Variants in RREB1 observed in about 807,000 individuals in gnomAD.
RREB1 encodes the protein ras-responsive element-binding protein 1.
Under a neutral mutation model 117.8 loss-of-function variants are expected in RREB1, and 27 were observed. That is an observed-to-expected ratio of 0.23 (90% CI 0.17 to 0.32). RREB1 has a LOEUF of 0.32. Among genes scored for constraint, RREB1 ranks in the 10% least tolerant of loss-of-function variants. The pLI is 1.00. For missense variants in RREB1, 2,577 were observed against 2,378.2 expected, an observed-to-expected ratio of 1.08 and a Z score of -1.74; for synonymous variants, 1,298 against 1,026.7, an observed-to-expected ratio of 1.26 and a Z score of -5.05.
intron 1 of RREB1, among the ~76,000 whole-genome samples, chr6:7,132,432 G>A (rs1054030797): frequency 8.6e-5 from 13 of 152,038 alleles, no homozygotes; most frequent in African/African-American, 3.1e-4. Flanking sequence ...TTCTAAAGTG[G>A]TGGGATTAGA....
At chr6:7,113,332 G>T (rs1761240967) in intron 1 of RREB1, among the ~76,000 whole-genome samples, 1 of 152,110 alleles carries the variant, frequency 6.6e-6, no homozygotes, top group Admixed American at 6.6e-5. Context: ...TAGTTTGCTT[G>T]GTATTTCATC....
At chr6:7,165,510 T>C (rs1763888983) in intron 1 of RREB1, among the ~76,000 whole-genome samples, 1 of 152,196 alleles carries the variant, frequency 6.6e-6, no homozygotes, top group Non-Finnish European at 1.5e-5. Context: ...CCAAAACAAT[T>C]TCATGTCATG....
intron 11 of RREB1, among the ~76,000 whole-genome samples, chr6:7,244,408 A>G (rs576217716): frequency 6.6e-6 from 1 of 152,324 alleles, no homozygotes; most frequent in South Asian, 2.1e-4. Flanking sequence ...CCCTGACTCT[A>G]GGGAGGGAAA....
In RREB1 at chr6:7,231,720, G is replaced by C. The variant is rs145908910; in HGVS notation, c.3621G>C (p.Glu1207Asp). Residue 1207 changes from glutamate to aspartate, a missense_variant, in exon 10 of 13, where the codon GAG (glutamate) becomes GAC (aspartate). Glu to Asp is a conservative substitution (Grantham distance 45, BLOSUM62 2). Coordinates refer to ENST00000379938, the MANE Select transcript of RREB1 (RefSeq NM_001003699.4). ...LQTAEDNTQD[E>D]VAGAPADHHG... ...CAGCGGAGGACAACACTCAGGATGAGGTGGCCGGAGCCCCTGCCGACCACC... is the reference window on the plus strand; with the variant it reads ...CAGCGGAGGACAACACTCAGGATGACGTGGCCGGAGCCCCTGCCGACCACC... The C allele has an allele frequency of 1.7e-5, 27 of 1,613,552 alleles. No homozygotes were observed. The highest frequency in any genetic ancestry group is 2.3e-5 in the Non-Finnish European group (27 of 1,179,970).
intron 6 of RREB1, among the ~76,000 whole-genome samples, chr6:7,203,571 G>C (rs1374471822): frequency 6.6e-6 from 1 of 152,192 alleles, no homozygotes; most frequent in East Asian, 1.9e-4. Flanking sequence ...GGTTTGGAGA[G>C]AAGCTCTGGG....
intron 1 of RREB1, among the ~76,000 whole-genome samples, chr6:7,153,687 T>C (rs1442098804): frequency 2.0e-5 from 3 of 152,220 alleles, no homozygotes; most frequent in Admixed American, 6.5e-5. Context: ...TAGGTTGGGC[T>C]TAAGACTGAT....
chr6:7,222,915 C>G (rs1767345623), intron 8 of RREB1, among the ~76,000 whole-genome samples: 1 of 152,132 alleles, frequency 6.6e-6, no homozygotes, highest in South Asian at 2.1e-4. Flanking sequence ...GCCAGTCACA[C>G]TAAATATTCA....
chr6:7,185,627 G>A (rs1021460561), intron 4 of RREB1, among the ~76,000 whole-genome samples: 31 of 152,280 alleles, frequency 2.0e-4, no homozygotes, highest in African/African-American at 7.2e-4. Context: ...CTTTGAAGAG[G>A]AGTGAGAGGG....
chr6:7,211,947 C>T, intron 8 of RREB1: 1 of 523,602 alleles, frequency 1.9e-6, no homozygotes, highest in South Asian at 2.4e-5. Flanking sequence ...TCAGCAAAGC[C>T]CCTTGAGTAG....
intron 1 of RREB1, among the ~76,000 whole-genome samples, chr6:7,161,351 T>A (rs924045249): frequency 6.6e-6 from 1 of 152,142 alleles, no homozygotes; most frequent in Admixed American, 6.5e-5. Flanking sequence ...AGCCTGCAGG[T>A]AAAACCATCC....
chr6:7,170,400 A>C (rs1197927837), intron 1 of RREB1, among the ~76,000 whole-genome samples: 1 of 152,310 alleles, frequency 6.6e-6, no homozygotes, highest in South Asian at 2.1e-4. Context: ...CTCACTGCCC[A>C]GGAGCAGCAG....
At chr6:7,242,620 G>A (rs1581593062) in intron 11 of RREB1, among the ~76,000 whole-genome samples, 1 of 146,054 alleles carries the variant, frequency 6.8e-6, no homozygotes, top group East Asian at 2.0e-4. Context: ...GATGGACATG[G>A]GGTGAAGCCT....
intron 11 of RREB1, among the ~76,000 whole-genome samples, chr6:7,242,428 T>A (rs945856281): frequency 6.6e-6 from 1 of 152,024 alleles, no homozygotes; most frequent in Admixed American, 6.6e-5. Flanking sequence ...GGACAAAGCC[T>A]CTAGAAAAAG....
chr6:7,227,466 G>A (rs1032327771), intron 9 of RREB1, among the ~76,000 whole-genome samples: 18 of 151,388 alleles, frequency 1.2e-4, no homozygotes, highest in African/African-American at 3.9e-4. Context: ...GCTTGAACCC[G>A]GGAGGCTGAG....
chr6:7,240,892 G>C (rs1768666667), intron 11 of RREB1, among the ~76,000 whole-genome samples: 1 of 152,142 alleles, frequency 6.6e-6, no homozygotes, highest in Admixed American at 6.5e-5. Context: ...AGAGGCCTTT[G>C]TTCCCGATGT....
At chr6:7,119,226 CTG>C (rs1561725664) in intron 1 of RREB1, among the ~76,000 whole-genome samples, 1 of 151,874 alleles carries the variant, frequency 6.6e-6, no homozygotes, top group Non-Finnish European at 1.5e-5. Flanking sequence ...TGGCGGGCGT[CTG>C]TAATCCCAAC....
At chr6:7,226,797 T>G in intron 9 of RREB1, 141 bp downstream of exon 9, 1 of 684,722 alleles carries the variant, frequency 1.5e-6, no homozygotes, top group South Asian at 1.9e-5. Flanking sequence ...ACCTTTTTTC[T>G]TAAAATTATT....
chr6:7,159,210 C>T (rs978766255), intron 1 of RREB1, among the ~76,000 whole-genome samples: 2 of 152,210 alleles, frequency 1.3e-5, no homozygotes, highest in African/African-American at 4.8e-5. Context: ...TAAGACCACC[C>T]TCTATTCTGT....
At chr6:7,221,049 T>G (rs905046728) in intron 8 of RREB1, among the ~76,000 whole-genome samples, 1 of 152,164 alleles carries the variant, frequency 6.6e-6, no homozygotes, top group African/African-American at 2.4e-5. Context: ...GGATGAACCC[T>G]CGCGTCTCCA....
Sources: allele counts gnomAD v4.1 joint callset (sites outside exome capture counted in the v4.1 genomes callset), GRCh38; gene constraint gnomAD v4.1.1; transcripts MANE v1.5; gene names NCBI Gene and HGNC (gene_info 2026-07-23, HGNC 2026-07-21).